Variants in PRKAR1B observed in about 807,000 individuals in gnomAD.
PRKAR1B encodes cAMP-dependent protein kinase type I-beta regulatory subunit.
In PRKAR1B, 22 loss-of-function variants were observed where a neutral mutation model predicts 46.5. The observed-to-expected ratio is 0.47, with a 90% CI of 0.34 to 0.68. PRKAR1B has a LOEUF of 0.68. Among genes scored for constraint, PRKAR1B ranks in the 30% least tolerant of loss-of-function variants. The pLI is 0.01. For synonymous variants in PRKAR1B, 259 were observed against 217.7 expected (o/e 1.19, Z -1.67); for missense variants, 445 against 535.6 (o/e 0.83, Z 1.67).
At chr7:669,877 T>G (rs1786133902) in intron 4 of PRKAR1B, among the ~76,000 whole-genome samples, 1 of 148,254 alleles carries the variant, frequency 6.7e-6, no homozygotes, top group Non-Finnish European at 1.5e-5. Context: ...ATTTTTTTTT[T>G]TTTTTTGAGA....
chr7:663,636 C>T (rs1363900047), intron 4 of PRKAR1B, among the ~76,000 whole-genome samples: 2 of 152,230 alleles, frequency 1.3e-5, no homozygotes, highest in Admixed American at 6.5e-5. Flanking sequence ...CTACACAGAC[C>T]GTGGTCAAAC....
intron 2 of PRKAR1B, among the ~76,000 whole-genome samples, chr7:690,172 T>C (rs1488515253): frequency 5.3e-5 from 8 of 151,906 alleles, no homozygotes; most frequent in Non-Finnish European, 1.0e-4. Context: ...GGTGTGCTCC[T>C]GTAATCCCAG....
chr7:613,178 A>G (rs931083032), intron 4 of PRKAR1B, among the ~76,000 whole-genome samples: 1 of 152,078 alleles, frequency 6.6e-6, no homozygotes, highest in Non-Finnish European at 1.5e-5. Flanking sequence ...GGCTAATAGC[A>G]ACTGTGGGGT....
At position 711,258 on chromosome 7, in the gene PRKAR1B, G is replaced by A. The variant is rs546447580; in HGVS notation, c.177+71C>T. On this transcript the variant is annotated intron_variant, in intron 2 of 10. Transcript: ENST00000537384. ...TTCGAGGACCACGGGACAGAGGGAA[G>A]GCTTCCCCGGCTGCCGCCTCTGCCC... 13 of 1,571,392 alleles carry A rather than the reference G, an allele frequency of 8.3e-6. No homozygotes were observed. In the South Asian group the frequency reaches 1.4e-4, roughly 17 times the overall value.
At position 724,448 on chromosome 7, in the gene PRKAR1B, C is replaced by A. The variant is rs143509226; in HGVS notation, c.-23+2762G>T. ...CACAGGCTCTCTCATTTTCTCTTTG[C>A]CTGCTGCCATCATGTAAGATGTGAC... On this transcript the variant is annotated intron_variant, in intron 1 of 10. Coordinates refer to ENST00000537384, the MANE Select transcript of PRKAR1B (RefSeq NM_001164760.2). Among the ~76,000 whole-genome samples, 238 of 152,326 alleles carry A rather than the reference C, an allele frequency of 1.6e-3. 1 individual carries two copies. Among genetic ancestry groups the A allele is most frequent in the African/African-American group, 5.4e-3 (224 of 41,570 alleles).
rs1172090755 is a variant in PRKAR1B at position 714,275 on chromosome 7, G to A, written c.-22-2748C>T. 6.6e-6 allele frequency among the ~76,000 whole-genome samples: 1 copy of A among 152,142 alleles called. No individual in the cohort carries two copies. Among genetic ancestry groups the A allele is most frequent in the Non-Finnish European group, 1.5e-5 (1 of 68,010 alleles). ...CCTGTAAAGACTTCCCCCACACCGT[G>A]CCTCTAGAGGAGAGTGGAGGCACCT... is the stretch of plus-strand genomic sequence containing the variant. On this transcript the variant is annotated intron_variant, in intron 1 of 10. Transcript: ENST00000537384. This position sits in a 1 kb window ranked among gnomAD's most constrained non-coding sequence, Gnocchi z 4.3.
chr7:558,024 C>CA (rs1183636895), intron 9 of PRKAR1B, among the ~76,000 whole-genome samples: 2 of 152,116 alleles, frequency 1.3e-5, no homozygotes, highest in East Asian at 3.9e-4. Context: ...AAATTTCCTG[C>CA]AAAATCAGCT....
chr7:727,360 AC>A, upstream of PRKAR1B: 3 of 837,548 alleles, frequency 3.6e-6, no homozygotes, highest in African/African-American at 3.8e-5. Flanking sequence ...CCACACTCTC[AC>A]CCCCACCTCC....
At chr7:598,090 G>C (rs1412392385) in intron 6 of PRKAR1B, among the ~76,000 whole-genome samples, 1 of 152,136 alleles carries the variant, frequency 6.6e-6, no homozygotes, top group Non-Finnish European at 1.5e-5. Context: ...TGACATGCAC[G>C]CCTGGGGTGG....
intron 8 of PRKAR1B, among the ~76,000 whole-genome samples, chr7:583,883 C>T (rs780520021): frequency 1.8e-4 from 27 of 152,246 alleles, no homozygotes; most frequent in Non-Finnish European, 3.1e-4. Context: ...CCTGCTCTAG[C>T]CCAAGGAGCC....
intron 4 of PRKAR1B, among the ~76,000 whole-genome samples, chr7:671,997 G>T (rs184535352): frequency 2.6e-5 from 4 of 152,262 alleles, no homozygotes; most frequent in Admixed American, 2.6e-4. Flanking sequence ...AAATGTATGT[G>T]CTTCATGACT....
chr7:678,125 G>C (rs1218736448), intron 3 of PRKAR1B, among the ~76,000 whole-genome samples: 1 of 152,138 alleles, frequency 6.6e-6, no homozygotes, highest in Non-Finnish European at 1.5e-5. Flanking sequence ...ACAAAAATTA[G>C]CTGGGAAAGG....
chr7:552,073 C>G (rs1784254216), intron 9 of PRKAR1B, among the ~76,000 whole-genome samples: 1 of 47,758 alleles, frequency 2.1e-5, no homozygotes, highest in Non-Finnish European at 4.1e-5. Context: ...ACCTCCCACC[C>G]AGGTCCTTCT....
chr7:671,890 G>A (rs35600404), intron 4 of PRKAR1B, among the ~76,000 whole-genome samples: 12,290 of 152,256 alleles, frequency 0.081, 652 homozygotes, highest in South Asian at 0.17. Flanking sequence ...TGGAACAGCC[G>A]TGCTGGCTCT....
chr7:588,903 ACGG>A (rs1562542605), intron 7 of PRKAR1B, among the ~76,000 whole-genome samples: 1 of 106 alleles, frequency 9.4e-3, no homozygotes. Context: ...GGTGATGGTG[ACGG>A]TGGTGATGGT....
In PRKAR1B at chr7:680,739, G is replaced by C. The variant is rs751507796; in HGVS notation, c.178-13C>G. ...GCCTGTTTTCTTCCTGTGTGGGAGA[G>C]GAAAACACAGAAAGGAAGTAAGAAC... is the stretch of plus-strand genomic sequence containing the variant. On this transcript the variant is annotated splice_polypyrimidine_tract_variant and intron_variant, in intron 2 of 10. Transcript: ENST00000537384. 6.2e-7 allele frequency: 1 copy of C among 1,613,558 alleles called. No homozygotes were observed. Among genetic ancestry groups the C allele is most frequent in the Non-Finnish European group, 8.5e-7 (1 of 1,179,946 alleles).
chr7:600,407 G>T (rs1583276939), intron 6 of PRKAR1B, among the ~76,000 whole-genome samples: 1 of 152,196 alleles, frequency 6.6e-6, no homozygotes, highest in Non-Finnish European at 1.5e-5. Flanking sequence ...CGGGAGGATC[G>T]CTTGAGCCCA....
intron 4 of PRKAR1B, among the ~76,000 whole-genome samples, chr7:609,183 C>T (rs1476256095): frequency 6.6e-6 from 1 of 152,136 alleles, no homozygotes; most frequent in Admixed American, 6.5e-5. Flanking sequence ...TTCCTGGCCA[C>T]GGCCTCCCTG....
intron 1 of PRKAR1B, among the ~76,000 whole-genome samples, chr7:718,022 T>G (rs898590847): frequency 2.0e-5 from 3 of 152,088 alleles, no homozygotes; most frequent in Non-Finnish European, 4.4e-5. Flanking sequence ...CATCAGTGGC[T>G]GTAAGAGGAC....
Sources: allele counts gnomAD v4.1 joint callset (sites outside exome capture counted in the v4.1 genomes callset), GRCh38; gene constraint gnomAD v4.1.1; non-coding constraint Gnocchi (gnomAD v3.1); transcripts MANE v1.5; gene names NCBI Gene and HGNC (gene_info 2026-07-23, HGNC 2026-07-21).